The following OVOL2 variants were observed in gnomAD, a reference collection of about 807,000 sequenced individuals.
OVOL2 encodes the protein ovo like zinc finger 2, also known as transcription factor Ovo-like 2.
In OVOL2, 13 loss-of-function variants were observed where a neutral mutation model predicts 18.1. That is an observed-to-expected ratio of 0.72 (90% CI 0.47 to 1.14). OVOL2 has a LOEUF of 1.14. Among genes scored for constraint, OVOL2 ranks in the 50% most tolerant of loss-of-function variants. The pLI, the probability that OVOL2 is intolerant of heterozygous loss-of-function variation, is 0.00. For missense variants in OVOL2, 335 were observed against 383.0 expected (o/e 0.87, Z 1.05); for synonymous variants, 166 against 162.7 (o/e 1.02, Z -0.16).
At chr20:18,034,604 A>T (rs914768599) in intron 3 of OVOL2, among the ~76,000 whole-genome samples, 1 of 146,404 alleles carries the variant, frequency 6.8e-6, no homozygotes, top group African/African-American at 2.6e-5. Flanking sequence ...GACACCATTT[A>T]ACTAACACTC....
rs922703467 is a variant in OVOL2, at chr20:18,056,975, C to G, written c.101-98G>C. On this transcript the variant is annotated intron_variant, in intron 1 of 3. Coordinates refer to ENST00000278780, the MANE Select transcript of OVOL2 (RefSeq NM_021220.4). The surrounding 1 kb of genome is among the most constrained non-coding windows in gnomAD (Gnocchi z 4.2). ...CGGGCGGTGCTGCCGCCGCCCCGCCCCGGACCTGGGCACCTCGCCAAGTGG... is the reference window on the plus strand; with the variant it reads ...CGGGCGGTGCTGCCGCCGCCCCGCCGCGGACCTGGGCACCTCGCCAAGTGG... 5 of 1,338,774 alleles carry G rather than the reference C, an allele frequency of 3.7e-6. No homozygotes were observed. Among genetic ancestry groups the G allele is most frequent in the Admixed American group, 3.8e-5 (1 of 26,356 alleles). The allele number at this position is 1,338,774 out of a possible 1,614,324, so 82.9% of individuals were successfully genotyped here.
At chr20:18,040,955 G>A (rs1600443649) in intron 3 of OVOL2, among the ~76,000 whole-genome samples, 1 of 152,172 alleles carries the variant, frequency 6.6e-6, no homozygotes, top group Non-Finnish European at 1.5e-5. Context: ...CCGCGTGTGT[G>A]CCATGCATCA....
chr20:18,034,365 A>T (rs550921705), intron 3 of OVOL2, among the ~76,000 whole-genome samples: 1 of 152,200 alleles, frequency 6.6e-6, no homozygotes, highest in South Asian at 2.1e-4. Flanking sequence ...CACACTCCTG[A>T]TCCCCCCTGG....
intron 2 of OVOL2, among the ~76,000 whole-genome samples, chr20:18,042,413 G>A (rs2122711322): frequency 6.6e-6 from 1 of 152,232 alleles, no homozygotes; most frequent in Non-Finnish European, 1.5e-5. Flanking sequence ...CTCATGAATG[G>A]CCTGGTGCCG....
Position 18,056,777 on chromosome 20 carries a change from T to C in OVOL2, c.201A>G (p.Gly67=). The C allele has an allele frequency of 1.3e-6, 2 of 1,503,340 alleles. No individual in the cohort carries two copies. Among genetic ancestry groups the C allele is most frequent in the Admixed American group, 2.2e-5 (1 of 46,302 alleles). The allele number at this position is 1,503,340 out of a possible 1,614,324, so 93.1% of individuals were successfully genotyped here. The change falls in exon 2 of 4, where the codon GGA becomes GGG. Residue 67 remains glycine (G), a synonymous_variant. Coordinates refer to ENST00000278780, the MANE Select transcript of OVOL2 (RefSeq NM_021220.4). This position sits in a 1 kb window ranked among gnomAD's most constrained non-coding sequence, Gnocchi z 4.2. ...CGTGCGGGGACGAGCTGCTCTCTGC[T>C]CCTCCAGGCTCCCCCGCGCTGCTGC... ...SGSSSAGEPG[G]AESSSSPHAP...
intron 2 of OVOL2, among the ~76,000 whole-genome samples, chr20:18,044,657 TGCC>T (rs2036708848): frequency 6.6e-6 from 1 of 152,162 alleles, no homozygotes; most frequent in Non-Finnish European, 1.5e-5. Flanking sequence ...CCTAGGAAGC[TGCC>T]GAGTCTAGTG....
At chr20:18,049,557 C>CCA (rs1555796100) in intron 2 of OVOL2, among the ~76,000 whole-genome samples, 5 of 150,588 alleles carry the variant, frequency 3.3e-5, no homozygotes, top group East Asian at 1.9e-4. Context: ...AGATTCCCCC[C>CCA]CCGATCCTAT....
At chr20:18,055,420 C>CA (rs2036811701) in intron 2 of OVOL2, among the ~76,000 whole-genome samples, 1 of 152,172 alleles carries the variant, frequency 6.6e-6, no homozygotes, top group Non-Finnish European at 1.5e-5. Context: ...CACTTAACCC[C>CA]ACCTGGCCCG....
At chr20:18,037,414 C>T (rs1212961283) in intron 3 of OVOL2, among the ~76,000 whole-genome samples, 2 of 152,244 alleles carry the variant, frequency 1.3e-5, no homozygotes, top group Non-Finnish European at 2.9e-5. Flanking sequence ...GGATAAAGGC[C>T]GGAGGCCTGG....
intron 3 of OVOL2, among the ~76,000 whole-genome samples, chr20:18,027,540 AAAT>A (rs1179095158): frequency 4.6e-5 from 7 of 151,820 alleles, no homozygotes; most frequent in African/African-American, 1.7e-4. Context: ...AAAAAAAAAA[AAAT>A]AAGTAAATAA....
intron 2 of OVOL2, among the ~76,000 whole-genome samples, chr20:18,043,487 T>A (rs2036694848): frequency 6.6e-6 from 1 of 152,142 alleles, no homozygotes; most frequent in African/African-American, 2.4e-5. Context: ...AAAGGCCACA[T>A]GGGGGAGCAC....
rs775893723 is a variant in OVOL2, at chr20:18,041,606, G to T, written c.439C>A (p.His147Asn). Residue 147 changes from histidine to asparagine, a missense_variant, in exon 3 of 4, where the codon CAC (histidine) becomes AAC (asparagine). Physicochemically the swap from His to Asn is moderately conservative, Grantham distance 68. Coordinates refer to ENST00000278780, the MANE Select transcript of OVOL2 (RefSeq NM_021220.4). ...CCCTTGCCGCAGAAGGTGCACAGGT[G>T]TCTTTTCACCTGGTTGTGGCACTTG... The part of the protein sequence containing the change: ...HLKCHNQVKR[H>N]LCTFCGKGFN... The T allele has an allele frequency of 6.2e-7, 1 of 1,614,224 alleles. No homozygotes were observed. Among genetic ancestry groups the T allele is most frequent in the Non-Finnish European group, 8.5e-7 (1 of 1,180,036 alleles).
chr20:18,026,507 G>A (rs989274605), intron 3 of OVOL2, among the ~76,000 whole-genome samples: 34 of 150,818 alleles, frequency 2.3e-4, no homozygotes, highest in Admixed American at 7.3e-4. Flanking sequence ...TCAGCCTCCC[G>A]AGTACCTGGA....
At chr20:18,026,699 A>T (rs953905214) in intron 3 of OVOL2, among the ~76,000 whole-genome samples, 2 of 152,142 alleles carry the variant, frequency 1.3e-5, no homozygotes, top group African/African-American at 4.8e-5. Flanking sequence ...TATTTTTAAC[A>T]AACGTCGCTG....
At chr20:18,034,302 A>C (rs1249245300) in intron 3 of OVOL2, among the ~76,000 whole-genome samples, 1 of 152,138 alleles carries the variant, frequency 6.6e-6, no homozygotes, top group Admixed American at 6.5e-5. Flanking sequence ...AAATGGGGGT[A>C]AAAAAGTCCC....
chr20:18,057,825 C>T lies in OVOL2; in HGVS notation c.-191G>A. 1.5e-6 allele frequency: 2 copies of T among 1,364,598 alleles called. No individual in the cohort carries two copies. The highest frequency in any genetic ancestry group is 1.9e-6 in the Non-Finnish European group (2 of 1,065,968). 84.5% of individuals were successfully genotyped at this position (1,364,598 alleles called of 1,614,324 possible). ...GCACGCCTGGCGACTCCCAGCCTCC[C>T]GGCTCGGCGACACCTATGCCTTAAA... On this transcript the variant is annotated 5_prime_UTR_variant, in exon 1 of 4. Coordinates refer to ENST00000278780, the MANE Select transcript of OVOL2 (RefSeq NM_021220.4). The surrounding 1 kb of genome is among the most constrained non-coding windows in gnomAD (Gnocchi z 6.3).
chr20:18,054,295 C>G (rs2036796893), intron 2 of OVOL2, among the ~76,000 whole-genome samples: 1 of 152,174 alleles, frequency 6.6e-6, no homozygotes, highest in African/African-American at 2.4e-5. Flanking sequence ...ACCGCTACTG[C>G]CAGATGATTC....
upstream of OVOL2, chr20:18,058,931 C>A (rs2036854512): frequency 6.6e-6 from 1 of 152,192 alleles, no homozygotes; most frequent in Non-Finnish European, 1.5e-5. Flanking sequence ...TGTTCGGGTG[C>A]GCCCAGGACA....
At chr20:18,041,391 C>T (rs1259807339) in intron 3 of OVOL2, 143 bp downstream of exon 3, 5 of 1,060,516 alleles carry the variant, frequency 4.7e-6, no homozygotes, top group Non-Finnish European at 6.6e-6. Flanking sequence ...TCTCAAACTC[C>T]TAACCTCGTG....
Sources: allele counts gnomAD v4.1 joint callset (sites outside exome capture counted in the v4.1 genomes callset), GRCh38; gene constraint gnomAD v4.1.1; non-coding constraint Gnocchi (gnomAD v3.1); transcripts MANE v1.5; gene names NCBI Gene and HGNC (gene_info 2026-07-23, HGNC 2026-07-21).